The following RIPOR3 variants were observed in gnomAD, a reference collection of about 807,000 sequenced individuals.
RIPOR3 encodes family with sequence similarity 65 member C.
Under a neutral mutation model 114.3 loss-of-function variants are expected in RIPOR3, and 95 were observed. The observed-to-expected ratio is 0.83, with a 90% CI of 0.70 to 0.99. RIPOR3 has a LOEUF of 0.99. Ranked by LOEUF, RIPOR3 falls within the 50% of genes least tolerant of loss-of-function variation. RIPOR3 has a pLI of 0.00. For synonymous variants in RIPOR3, 575 were observed against 543.8 expected (o/e 1.06, Z -0.80); for missense variants, 1,252 against 1,266.9 (o/e 0.99, Z 0.18).
chr20:50,682,299 A>T (rs1313165089), intron 1 of RIPOR3, among the ~76,000 whole-genome samples: 10 of 152,238 alleles, frequency 6.6e-5, no homozygotes, highest in Admixed American at 6.5e-4. Context: ...TTAGCAATAA[A>T]ATGATTTATA....
chr20:50,661,461 T>C (rs1470550084), intron 1 of RIPOR3, among the ~76,000 whole-genome samples: 3 of 152,058 alleles, frequency 2.0e-5, no homozygotes, highest in Non-Finnish European at 4.4e-5. Flanking sequence ...GTAGAGTAGG[T>C]TTCTGATTCA....
At chr20:50,689,778 G>A (rs1330332225) in intron 1 of RIPOR3, among the ~76,000 whole-genome samples, 1 of 152,140 alleles carries the variant, frequency 6.6e-6, no homozygotes, top group Non-Finnish European at 1.5e-5. Context: ...ACAACTCAGG[G>A]CTGACTTGTC....
In RIPOR3 at chr20:50,619,973, A is replaced by G. The variant is rs1473884205; in HGVS notation, c.269+13T>C. On this transcript the variant is annotated intron_variant, in intron 3 of 21. Transcript: ENST00000327979. The stretch of plus-strand genomic sequence containing the variant: ...AATGCACTTCTTAAAGGCAGCACAC[A>G]GCCCAGCCTTACTTGAGGCCTCTTT... 6.2e-7 allele frequency: 1 copy of G among 1,606,410 alleles called. No homozygotes were observed. Among genetic ancestry groups the G allele is most frequent in the Non-Finnish European group, 8.5e-7 (1 of 1,173,662 alleles).
At chr20:50,685,277 C>T (rs1217926636) in intron 1 of RIPOR3, among the ~76,000 whole-genome samples, 3 of 139,166 alleles carry the variant, frequency 2.2e-5, no homozygotes, top group East Asian at 2.2e-4. Flanking sequence ...AGTGCAGTGG[C>T]GCGATCTCGG....
intron 19 of RIPOR3, among the ~76,000 whole-genome samples, chr20:50,591,579 A>G (rs2122867781): frequency 6.6e-6 from 1 of 152,312 alleles, no homozygotes; most frequent in Non-Finnish European, 1.5e-5. Context: ...GGAACTGGAG[A>G]TTTCCTCTCT....
intron 11 of RIPOR3, among the ~76,000 whole-genome samples, chr20:50,606,820 C>A (rs1338434559): frequency 6.6e-6 from 1 of 152,102 alleles, no homozygotes; most frequent in Non-Finnish European, 1.5e-5. Flanking sequence ...GCCTCCGCCT[C>A]CCCGGTTCAA....
Position 50,608,617 on chromosome 20 carries a change from A to G in RIPOR3, c.806T>C (p.Ile269Thr), listed in dbSNP as rs2083818379. The change falls in exon 10 of 22, where the codon ATC becomes ACC. Residue 269 changes from isoleucine to threonine, a missense_variant. Ile to Thr is a moderately conservative substitution (Grantham distance 89). Transcript: ENST00000327979. ...GCCCCCGGGCCCCATCCCCACCTTG[A>G]TGTCCAGGTTCTCATGCAGCGTGGG... ...FIPTLHENLD[I>T]KVTELRGLGS... The G allele has an allele frequency of 6.2e-7, 1 of 1,613,948 alleles. No individual in the cohort carries two copies. Among genetic ancestry groups the G allele is most frequent in the Non-Finnish European group, 8.5e-7 (1 of 1,179,882 alleles).
intron 1 of RIPOR3, among the ~76,000 whole-genome samples, chr20:50,664,963 A>G (rs1157551052): frequency 2.0e-5 from 3 of 152,042 alleles, no homozygotes; most frequent in South Asian, 2.1e-4. Context: ...TTAGCCAGGC[A>G]TGGTGGCGCA....
chr20:50,689,172 CTTTTTTTTTTTTTTTT>C (rs71964773), intron 1 of RIPOR3, among the ~76,000 whole-genome samples: 1 of 88,822 alleles, frequency 1.1e-5, no homozygotes, highest in Non-Finnish European at 2.4e-5. Flanking sequence ...CTCCAAACTT[CTTTTTTTTTTTTTTTT>C]TTTTTTGAGA....
intron 1 of RIPOR3, among the ~76,000 whole-genome samples, chr20:50,652,008 C>T (rs1454168545): frequency 3.9e-5 from 6 of 152,238 alleles, no homozygotes; most frequent in East Asian, 1.9e-4. Flanking sequence ...AACTCCCCCT[C>T]GGAGTCTGGC....
chr20:50,610,324 C>A (rs2083932133), intron 6 of RIPOR3, among the ~76,000 whole-genome samples: 1 of 152,170 alleles, frequency 6.6e-6, no homozygotes, highest in African/African-American at 2.4e-5. Context: ...GTGAAAGGGA[C>A]AAGGGAATCT....
At chr20:50,680,324 C>A (rs745802530) in intron 1 of RIPOR3, among the ~76,000 whole-genome samples, 1 of 152,172 alleles carries the variant, frequency 6.6e-6, no homozygotes, top group Non-Finnish European at 1.5e-5. Context: ...TCCACAGGAC[C>A]CCTTTCATCA....
chr20:50,607,259 C>T (rs996521011), intron 11 of RIPOR3, among the ~76,000 whole-genome samples: 3 of 152,050 alleles, frequency 2.0e-5, no homozygotes, highest in Admixed American at 6.6e-5. Context: ...AAAAGGGGTG[C>T]GCTTACAGAA....
At chr20:50,601,850 T>C (rs933708458) in intron 13 of RIPOR3, among the ~76,000 whole-genome samples, 51 of 152,190 alleles carry the variant, frequency 3.4e-4, no homozygotes, top group Admixed American at 2.5e-3. Context: ...TGCATGAGCC[T>C]ATCTACTGTG....
At chr20:50,610,567 G>A (rs1389009939) in intron 6 of RIPOR3, among the ~76,000 whole-genome samples, 1 of 152,134 alleles carries the variant, frequency 6.6e-6, no homozygotes. Flanking sequence ...AGCCATCTAA[G>A]ACTGAGCATG....
intron 2 of RIPOR3, 127 bp downstream of exon 2, chr20:50,630,611 G>T: frequency 1.5e-6 from 1 of 650,054 alleles, no homozygotes; most frequent in Non-Finnish European, 2.6e-6. Context: ...GTCTCTCTCG[G>T]GCTGCAAGCC....
intron 1 of RIPOR3, among the ~76,000 whole-genome samples, chr20:50,632,567 T>C (rs746414732): frequency 2.6e-5 from 4 of 152,222 alleles, no homozygotes; most frequent in African/African-American, 7.2e-5. Context: ...TGGTGCCCCA[T>C]GAGTGGCTAC....
intron 1 of RIPOR3, among the ~76,000 whole-genome samples, chr20:50,646,320 G>T (rs1024315319): frequency 4.6e-5 from 7 of 151,990 alleles, no homozygotes; most frequent in African/African-American, 7.2e-5. Context: ...TTAGAGAAAG[G>T]GTTTTGCTGT....
chr20:50,648,867 G>T (rs573281084), intron 1 of RIPOR3, among the ~76,000 whole-genome samples: 1 of 152,288 alleles, frequency 6.6e-6, no homozygotes, highest in African/African-American at 2.4e-5. Flanking sequence ...AAATACAGAT[G>T]AAGCTTCGCT....
Sources: allele counts gnomAD v4.1 joint callset (sites outside exome capture counted in the v4.1 genomes callset), GRCh38; gene constraint gnomAD v4.1.1; transcripts MANE v1.5; gene names NCBI Gene and HGNC (gene_info 2026-07-23, HGNC 2026-07-21).